The following TUSC3 variants were observed in gnomAD, a reference collection of about 807,000 sequenced individuals.
TUSC3 encodes the protein dolichyl-diphosphooligosaccharide--protein glycosyltransferase subunit TUSC3.
A neutral mutation model predicts 44.8 loss-of-function variants in TUSC3; 45 were observed. That is an observed-to-expected ratio of 1.00 (90% CI 0.79 to 1.29). The LOEUF is 1.29. Ranked by LOEUF, TUSC3 falls within the 50% of genes most tolerant of loss-of-function variation. TUSC3 has a pLI of 0.00. For missense variants in TUSC3, 519 were observed against 437.9 expected (o/e 1.19, Z -1.65); for synonymous variants, 212 against 152.9 (o/e 1.39, Z -2.85).
chr8:15,459,540 G>A (rs1800311164), intron 1 of TUSC3, among the ~76,000 whole-genome samples: 1 of 152,016 alleles, frequency 6.6e-6, no homozygotes, highest in Admixed American at 6.6e-5. Context: ...CTTTAGTGGT[G>A]ATTTGTGAGA....
intron 6 of TUSC3, among the ~76,000 whole-genome samples, chr8:15,701,153 C>T (rs1261891410): frequency 6.6e-6 from 1 of 152,048 alleles, no homozygotes; most frequent in Non-Finnish European, 1.5e-5. Flanking sequence ...TAGCGTAATA[C>T]ACAGATCTTA....
chr8:15,778,626 G>A, the TUSC3 span, among the ~76,000 whole-genome samples: 1 of 152,118 alleles, frequency 6.6e-6, no homozygotes, highest in Non-Finnish European at 1.5e-5. Flanking sequence ...CATAATTCAT[G>A]ATTCTTTATG....
the TUSC3 span, among the ~76,000 whole-genome samples, chr8:15,850,061 C>G: frequency 6.6e-6 from 1 of 151,842 alleles, no homozygotes; most frequent in Admixed American, 6.6e-5. Flanking sequence ...CTATCTTGGT[C>G]CAATTGTAGC....
At chr8:15,810,386 T>G in the TUSC3 span, among the ~76,000 whole-genome samples, 6 of 152,278 alleles carry the variant, frequency 3.9e-5, no homozygotes, top group African/African-American at 1.2e-4. Context: ...GTCTATAATC[T>G]CTGCACTTTG....
intron 8 of TUSC3, 41 bp downstream of exon 8, chr8:15,743,653 C>T (rs2604357): frequency 1.3e-6 from 2 of 1,599,630 alleles, no homozygotes; most frequent in South Asian, 1.1e-5. Flanking sequence ...TCGTTTTAGT[C>T]TTAAGATTCA....
intron 5 of TUSC3, among the ~76,000 whole-genome samples, chr8:15,663,285 A>C (rs1019946459): frequency 1.4e-4 from 21 of 149,880 alleles, no homozygotes; most frequent in African/African-American, 4.6e-4. Flanking sequence ...TCTTATAGAT[A>C]AGTATTGTCT....
intron 6 of TUSC3, among the ~76,000 whole-genome samples, chr8:15,715,435 C>G (rs931666886): frequency 3.9e-5 from 6 of 152,128 alleles, no homozygotes; most frequent in Non-Finnish European, 8.8e-5. Flanking sequence ...GAGCAACCCA[C>G]TAAGTGACTA....
intron 1 of TUSC3, among the ~76,000 whole-genome samples, chr8:15,425,670 C>G (rs527884485): frequency 6.6e-6 from 1 of 152,282 alleles, no homozygotes; most frequent in African/African-American, 2.4e-5. Context: ...GACCAATGGA[C>G]CAGAGCCAAA....
chr8:15,848,914 T>A, the TUSC3 span, among the ~76,000 whole-genome samples: 1 of 152,206 alleles, frequency 6.6e-6, no homozygotes, highest in Admixed American at 6.5e-5. Context: ...TAAACTACCT[T>A]TGTAGTACTT....
At position 15,748,372 on chromosome 8, in the gene TUSC3, T is replaced by C. The variant is rs1204416133; in HGVS notation, c.938-3T>C. The C allele has an allele frequency of 1.2e-6, 2 of 1,611,168 alleles. No homozygotes were observed. The highest frequency in any genetic ancestry group is 1.1e-5 in the South Asian group (1 of 91,028). On this transcript the variant is annotated splice_polypyrimidine_tract_variant and splice_region_variant and intron_variant, in intron 8 of 10. Coordinates refer to ENST00000503731, the MANE Select transcript of TUSC3 (RefSeq NM_006765.4). ...ACTAATGGTATTTTCTGTCTGTTTCTAGTAATTTGCCTAGTGGGATTGGGC... is the reference window on the plus strand; with the variant it reads ...ACTAATGGTATTTTCTGTCTGTTTCCAGTAATTTGCCTAGTGGGATTGGGC...
At chr8:15,462,542 A>G (rs574321082) in intron 1 of TUSC3, among the ~76,000 whole-genome samples, 99 of 152,204 alleles carry the variant, frequency 6.5e-4, no homozygotes, top group Admixed American at 2.6e-3. Flanking sequence ...CTACGATATT[A>G]AATTCATTTT....
chr8:15,643,587 T>C (rs1424018473), intron 2 of TUSC3, among the ~76,000 whole-genome samples: 1 of 152,226 alleles, frequency 6.6e-6, no homozygotes, highest in Non-Finnish European at 1.5e-5. Flanking sequence ...TTAGGTCTGA[T>C]GAAGAAAATG....
At chr8:15,781,390 C>G in the TUSC3 span, among the ~76,000 whole-genome samples, 1 of 152,036 alleles carries the variant, frequency 6.6e-6, no homozygotes, top group Non-Finnish European at 1.5e-5. Flanking sequence ...AAAACAAACA[C>G]AGCAGTTTGG....
the TUSC3 span, among the ~76,000 whole-genome samples, chr8:15,829,156 G>A: frequency 6.6e-6 from 1 of 152,008 alleles, no homozygotes; most frequent in Non-Finnish European, 1.5e-5. Flanking sequence ...ATTGCATGGT[G>A]TATGTACTGC....
At chr8:15,490,963 G>C (rs2129125792) in intron 2 of TUSC3, among the ~76,000 whole-genome samples, 1 of 152,180 alleles carries the variant, frequency 6.6e-6, no homozygotes, top group South Asian at 2.1e-4. Flanking sequence ...CTTCCAAAGA[G>C]GGTCTGGGGC....
At chr8:15,788,178 T>C in the TUSC3 span, among the ~76,000 whole-genome samples, 2 of 152,178 alleles carry the variant, frequency 1.3e-5, no homozygotes, top group African/African-American at 4.8e-5. Flanking sequence ...AAAACATGTT[T>C]AGACCTTGAC....
chr8:15,469,294 A>G (rs1800454070), intron 1 of TUSC3, among the ~76,000 whole-genome samples: 1 of 152,242 alleles, frequency 6.6e-6, no homozygotes. Flanking sequence ...AAATATACAA[A>G]GAACTCTTTA....
chr8:15,611,666 A>G (rs9325759), intron 1 of TUSC3, among the ~76,000 whole-genome samples: 2 of 151,862 alleles, frequency 1.3e-5, no homozygotes, highest in African/African-American at 4.8e-5. Flanking sequence ...GTATTTGTTT[A>G]ATTTACTGTA....
chr8:15,712,235 C>T (rs906560604), intron 6 of TUSC3, among the ~76,000 whole-genome samples: 1 of 151,966 alleles, frequency 6.6e-6, no homozygotes, highest in African/African-American at 2.4e-5. Context: ...CGTCTTCAGA[C>T]ATGATATAAA....
Sources: allele counts gnomAD v4.1 joint callset (sites outside exome capture counted in the v4.1 genomes callset), GRCh38; gene constraint gnomAD v4.1.1; transcripts MANE v1.5; gene names NCBI Gene and HGNC (gene_info 2026-07-23, HGNC 2026-07-21).